CCDC149: variants seen among roughly 807,000 people sequenced by gnomAD.
The protein encoded by CCDC149 is coiled-coil domain-containing protein 149.
Under a neutral mutation model 59.9 loss-of-function variants are expected in CCDC149, and 45 were observed. The ratio of observed to expected loss-of-function variants is 0.75; its 90% CI spans 0.59 to 0.96. CCDC149 has a LOEUF of 0.96. Among genes scored for constraint, CCDC149 ranks in the 40% least tolerant of loss-of-function variants. The pLI is 0.00. For missense variants in CCDC149, 584 were observed against 664.7 expected (o/e 0.88, Z 1.33); for synonymous variants, 245 against 260.6 (o/e 0.94, Z 0.58).
chr4:24,825,800 T>C (rs944869153), intron 9 of CCDC149, among the ~76,000 whole-genome samples: 47 of 151,718 alleles, frequency 3.1e-4, no homozygotes, highest in African/African-American at 1.1e-3. Flanking sequence ...CACATGCTTA[T>C]TAAAACTGTA....
intron 1 of CCDC149, among the ~76,000 whole-genome samples, chr4:24,968,316 G>C (rs149477587): frequency 6.6e-6 from 1 of 152,358 alleles, no homozygotes; most frequent in Non-Finnish European, 1.5e-5. Flanking sequence ...CTTGAGGCTT[G>C]TGAGAGTGTG....
chr4:24,939,082 G>A (rs1381555506), intron 1 of CCDC149, among the ~76,000 whole-genome samples: 3 of 152,174 alleles, frequency 2.0e-5, no homozygotes, highest in Non-Finnish European at 2.9e-5. Context: ...ATCTGAGAAC[G>A]GGCAGACTGC....
At chr4:24,876,726 G>A (rs1265188211) in intron 1 of CCDC149, 29 bp from the exon 2 acceptor site, 1 of 1,580,630 alleles carries the variant, frequency 6.3e-7, no homozygotes, top group Admixed American at 1.9e-5. Context: ...CAGGCAATGG[G>A]TCAAAAACAT....
chr4:24,979,335 T>C (rs1426542034), intron 1 of CCDC149, among the ~76,000 whole-genome samples: 1 of 152,156 alleles, frequency 6.6e-6, no homozygotes, highest in Non-Finnish European at 1.5e-5. Flanking sequence ...CTTTGAAGTA[T>C]ACAGGAAATG....
At chr4:24,833,411 G>A (rs1012623691) in intron 8 of CCDC149, among the ~76,000 whole-genome samples, 1 of 152,146 alleles carries the variant, frequency 6.6e-6, no homozygotes, top group Non-Finnish European at 1.5e-5. Flanking sequence ...ATCACCTGAG[G>A]TCAGGAGTTT....
At chr4:24,972,047 G>T (rs926064258) in intron 1 of CCDC149, among the ~76,000 whole-genome samples, 1 of 152,058 alleles carries the variant, frequency 6.6e-6, no homozygotes, top group Non-Finnish European at 1.5e-5. Flanking sequence ...ATATCAATCG[G>T]TCCCTTATGT....
intron 1 of CCDC149, among the ~76,000 whole-genome samples, chr4:24,900,783 C>T (rs1271456581): frequency 6.6e-6 from 1 of 152,208 alleles, no homozygotes; most frequent in Non-Finnish European, 1.5e-5. Context: ...TGTGGGGTTC[C>T]ACCCCACCTT....
intron 3 of CCDC149, among the ~76,000 whole-genome samples, chr4:24,870,116 C>G (rs942200972): frequency 3.3e-5 from 5 of 152,200 alleles, no homozygotes; most frequent in Non-Finnish European, 7.3e-5. Context: ...AGGTAAACTA[C>G]AGAATGTCCA....
At chr4:24,952,474 C>G (rs10020214) in intron 1 of CCDC149, among the ~76,000 whole-genome samples, 1 of 149,524 alleles carries the variant, frequency 6.7e-6, no homozygotes, top group East Asian at 2.0e-4. Context: ...TGCCTGTAAT[C>G]CCAGCTATTC....
At chr4:24,919,102 C>T (rs539744123) in intron 1 of CCDC149, among the ~76,000 whole-genome samples, 1 of 152,320 alleles carries the variant, frequency 6.6e-6, no homozygotes, top group Non-Finnish European at 1.5e-5. Context: ...ATGGTTGCCA[C>T]TTACTAGCCC....
rs146722724 is a variant in CCDC149 at position 24,881,726 on chromosome 4, T to G, written c.64-5029A>C. 1.0e-3 allele frequency among the ~76,000 whole-genome samples: 156 copies of G among 152,350 alleles called. 1 individual carries two copies. In the East Asian group the frequency reaches 0.019, roughly 18 times the overall value. ...TCACCACACTGAGGACGAGGGTTCATGTGATCTCTATTAGTAGTGCTATTG... is the reference window on the plus strand; with the variant it reads ...TCACCACACTGAGGACGAGGGTTCAGGTGATCTCTATTAGTAGTGCTATTG... On this transcript the variant is annotated intron_variant, in intron 1 of 12. Transcript: ENST00000635206.
At chr4:24,972,444 A>C (rs1384558977) in intron 1 of CCDC149, among the ~76,000 whole-genome samples, 1 of 152,044 alleles carries the variant, frequency 6.6e-6, no homozygotes, top group Non-Finnish European at 1.5e-5. Context: ...AGTAGCTGGG[A>C]CTACAGGCAC....
chr4:24,822,614 C>A, intron 9 of CCDC149, 41 bp from the exon 10 acceptor site: 1 of 1,416,460 alleles, frequency 7.1e-7, no homozygotes, highest in South Asian at 1.3e-5. Flanking sequence ...TACTGAGCAT[C>A]CTGTCAGCCC....
intron 1 of CCDC149, among the ~76,000 whole-genome samples, chr4:24,932,176 G>C (rs1342190886): frequency 6.6e-6 from 1 of 151,986 alleles, no homozygotes; most frequent in African/African-American, 2.4e-5. Context: ...AAATTGATTT[G>C]TTTCTGTATT....
chr4:24,843,758 C>A (rs1437297247), intron 4 of CCDC149, among the ~76,000 whole-genome samples: 1 of 152,128 alleles, frequency 6.6e-6, no homozygotes, highest in East Asian at 1.9e-4. Flanking sequence ...TAGCAGCTTT[C>A]CTTAGACCAC....
chr4:24,903,359 G>C lies in CCDC149; in HGVS notation c.63+9458C>G, dbSNP rs540797915. ...AAGGGCAGAATCAGAGTGCAAATGA[G>C]AGCTTGGTAGTCAGTCTCCAAGAAG... On this transcript the variant is annotated intron_variant, in intron 1 of 12. Transcript: ENST00000635206. Among the ~76,000 whole-genome samples the C allele has an allele frequency of 4.6e-5, 7 of 152,264 alleles. 1 individual carries two copies. In the South Asian group the frequency reaches 1.2e-3, roughly 27 times the overall value.
chr4:24,846,083 C>T (rs985342106), intron 4 of CCDC149, among the ~76,000 whole-genome samples: 6 of 152,180 alleles, frequency 3.9e-5, no homozygotes, highest in Non-Finnish European at 7.3e-5. Context: ...GTTTTGGTCA[C>T]GTGGTCTACC....
At chr4:24,895,219 C>T (rs1227703764) in intron 1 of CCDC149, 6 of 613,544 alleles carry the variant, frequency 9.8e-6, no homozygotes, top group Non-Finnish European at 1.8e-5. Context: ...CTCAGAAGGG[C>T]ATAGGAAGCC....
At position 24,853,233 on chromosome 4, in the gene CCDC149, T is replaced by A; in HGVS notation, c.265-54A>T. 5.3e-6 allele frequency: 7 copies of A among 1,325,766 alleles called. No homozygotes were observed. The South Asian group carries it at 5.9e-5, about 11-fold the overall frequency. The allele number at this position is 1,325,766 out of a possible 1,614,324, so 82.1% of individuals were successfully genotyped here. On this transcript the variant is annotated intron_variant, in intron 3 of 12. Transcript: ENST00000635206. The stretch of plus-strand genomic sequence containing the variant: ...AATCAGAAATGGAGGAGTGGATGAA[T>A]GCAGGGCTTCATTGGGCTTGTGGAT...
Sources: gnomAD v4.1 joint callset for allele counts (sites outside exome capture counted in the v4.1 genomes callset) on GRCh38, gnomAD v4.1.1 for gene constraint, MANE v1.5 for transcripts, NCBI Gene and HGNC (gene_info 2026-07-23, HGNC 2026-07-21) for gene names.